HABP2: variants seen among roughly 807,000 people sequenced by gnomAD.
HABP2 encodes the protein factor VII-activating protease.
A neutral mutation model predicts 66.5 loss-of-function variants in HABP2; 65 were observed. The ratio of observed to expected loss-of-function variants is 0.98; its 90% CI spans 0.80 to 1.20. The LOEUF (loss-of-function observed/expected upper bound fraction) is 1.20. Among genes scored for constraint, HABP2 ranks in the 50% most tolerant of loss-of-function variants. The probability of loss-of-function intolerance (pLI) is 0.00; values close to 1 mark genes in which losing one functional copy is unlikely to be tolerated. For missense variants in HABP2, 786 were observed against 691.0 expected (o/e 1.14, Z -1.54); for synonymous variants, 263 against 253.9 (o/e 1.04, Z -0.34).
rs3832698 is a variant in HABP2 at position 113,588,967 on chromosome 10, GA to G, written c.*599del. ...CTCTGGCCTCTCAGGAATCAGGGTG[GA>G]CATGGCTCACAACAGCAGGGCCTTC... is the stretch of plus-strand genomic sequence containing the variant. On this transcript the variant is annotated 3_prime_UTR_variant, in exon 13 of 13. Transcript: ENST00000351270. 0.34 allele frequency: 554,325 copies of G among 1,607,390 alleles called. 96,830 individuals are homozygous for G. The highest frequency in any genetic ancestry group is 0.48 in the Admixed American group (28,597 of 59,956).
At chr10:113,580,823 T>A (rs1020040211) in intron 8 of HABP2, 131 bp downstream of exon 8, 1 of 609,592 alleles carries the variant, frequency 1.6e-6, no homozygotes, top group Non-Finnish European at 2.9e-6. Flanking sequence ...CCCATCCCAG[T>A]GCCAGCCCAA....
chr10:113,567,014 C>G (rs551640397), intron 1 of HABP2, among the ~76,000 whole-genome samples: 12 of 152,190 alleles, frequency 7.9e-5, no homozygotes, highest in Non-Finnish European at 1.6e-4. Flanking sequence ...CTGAAGAAAT[C>G]ACCTAGATTT....
chr10:113,561,163 A>T (rs2133746825), intron 1 of HABP2, among the ~76,000 whole-genome samples: 1 of 152,300 alleles, frequency 6.6e-6, no homozygotes, highest in South Asian at 2.1e-4. Flanking sequence ...CGTGTCTCTG[A>T]ATCCTACTGA....
chr10:113,561,185 A>G (rs1845093839), intron 1 of HABP2, among the ~76,000 whole-genome samples: 1 of 152,116 alleles, frequency 6.6e-6, no homozygotes, highest in African/African-American at 2.4e-5. Context: ...TTACAGTGTA[A>G]TCTTCTTGGG....
In HABP2 at chr10:113,585,788, C is replaced by T. The variant is rs765178013; in HGVS notation, c.1373-5C>T. 6.2e-7 allele frequency: 1 copy of T among 1,612,644 alleles called. No homozygotes were observed. Among genetic ancestry groups the T allele is most frequent in the South Asian group, 1.1e-5 (1 of 91,042 alleles). The stretch of plus-strand genomic sequence containing the variant: ...GTGACTCTTTTCTCTGCACCTTCCC[C>T]ACAGGAAAAGGGTCCCGCCAGCTCC... On this transcript the variant is annotated splice_region_variant and splice_polypyrimidine_tract_variant and intron_variant, in intron 11 of 12. Transcript: ENST00000351270.
At chr10:113,578,276 A>G in intron 6 of HABP2, 131 bp downstream of exon 6, 1 of 1,001,344 alleles carries the variant, frequency 1.0e-6, no homozygotes, top group Non-Finnish European at 1.5e-6. Context: ...TTCTCACCTA[A>G]AGGGATAGGG....
chr10:113,564,881 C>G (rs1845170055), intron 1 of HABP2, among the ~76,000 whole-genome samples: 1 of 151,308 alleles, frequency 6.6e-6, no homozygotes, highest in South Asian at 2.1e-4. Context: ...GAGTCTCGCT[C>G]TGTAGCCCAG....
intron 7 of HABP2, among the ~76,000 whole-genome samples, chr10:113,579,085 C>T (rs919536752): frequency 1.3e-4 from 19 of 147,412 alleles, no homozygotes; most frequent in Admixed American, 2.0e-4. Context: ...GGCAAAACCC[C>T]GTCTCTACCA....
chr10:113,587,406 G>C (rs559354622), intron 12 of HABP2, among the ~76,000 whole-genome samples: 1 of 152,282 alleles, frequency 6.6e-6, no homozygotes, highest in African/African-American at 2.4e-5. Context: ...GAAACAAATA[G>C]TTGTGAATTG....
At position 113,577,160 on chromosome 10, in the gene HABP2, G is replaced by A. The variant is rs142164108; in HGVS notation, c.342G>A (p.Thr114=). 67 of 1,598,724 alleles carry A rather than the reference G, an allele frequency of 4.2e-5. No individual in the cohort carries two copies. Among genetic ancestry groups the A allele is most frequent in the East Asian group, 2.2e-5 (1 of 44,822 alleles). Residue 114 remains threonine (T), a synonymous_variant, in exon 5 of 13, where the codon ACG becomes ACA. Coordinates refer to ENST00000351270, the MANE Select transcript of HABP2 (RefSeq NM_004132.5). ...SGNKCQKVQN[T]CKDNPCGRGQ... ...ATGGATCTCCTACAGTGCAAAATACGTGCAAGGACAACCCATGTGGCCGGG... is the reference window on the plus strand; with the variant it reads ...ATGGATCTCCTACAGTGCAAAATACATGCAAGGACAACCCATGTGGCCGGG...
intron 4 of HABP2, among the ~76,000 whole-genome samples, chr10:113,576,692 C>T (rs1429264929): frequency 6.6e-6 from 1 of 152,084 alleles, no homozygotes; most frequent in African/African-American, 2.4e-5. Flanking sequence ...TTGACTTCTT[C>T]CCTCGGTGCC....
intron 2 of HABP2, chr10:113,572,757 T>C (rs1361094161): frequency 1.1e-5 from 5 of 447,956 alleles, no homozygotes; most frequent in Non-Finnish European, 2.2e-5. Context: ...AGCATTTTCA[T>C]AGTGGGGAAA....
rs1845624051 is a variant in HABP2 at position 113,585,924 on chromosome 10, C to T, written c.1504C>T (p.Gln502Ter). 6.2e-7 allele frequency: 1 copy of T among 1,613,744 alleles called. No individual in the cohort carries two copies. Among genetic ancestry groups the T allele is most frequent in the Admixed American group, 1.7e-5 (1 of 60,008 alleles). Residue 502 changes from glutamine to a stop codon, truncating the protein, a stop_gained, in exon 12 of 13, where the codon CAA (glutamine) becomes TAA (stop). Transcript: ENST00000351270. LOFTEE classifies it high-confidence loss of function. ...ICAGNLQKPGQDTCQGDSGGP... is the reference protein window; with the variant it reads ...ICAGNLQKPG ...TGCAGGAAATCTTCAGAAACCTGGG[C>T]AAGACACCTGCCAGGTCAGAGACTC...
At chr10:113,565,094 T>C (rs942636697) in intron 1 of HABP2, among the ~76,000 whole-genome samples, 1 of 152,204 alleles carries the variant, frequency 6.6e-6, no homozygotes, top group African/African-American at 2.4e-5. Flanking sequence ...TCCACCCACC[T>C]CGGCCTCCCA....
intron 1 of HABP2, among the ~76,000 whole-genome samples, chr10:113,566,695 T>C (rs974247657): frequency 1.1e-4 from 17 of 152,138 alleles, no homozygotes; most frequent in African/African-American, 3.4e-4. Flanking sequence ...ACAGTGGGGA[T>C]AGGGAAATGT....
At chr10:113,581,424 C>A (rs962059447) in intron 8 of HABP2, among the ~76,000 whole-genome samples, 1 of 152,226 alleles carries the variant, frequency 6.6e-6, no homozygotes, top group Non-Finnish European at 1.5e-5. Flanking sequence ...AATGTCTTAT[C>A]TCACCTATTC....
intron 6 of HABP2, 50 bp from the exon 7 acceptor site, chr10:113,578,577 T>C (rs753784925): frequency 7.3e-7 from 1 of 1,366,092 alleles, no homozygotes; most frequent in Non-Finnish European, 1.0e-6. Context: ...TTTTTGGGAG[T>C]GGCATGCCAA....
chr10:113,564,753 C>T (rs1173252349), intron 1 of HABP2, among the ~76,000 whole-genome samples: 3 of 152,186 alleles, frequency 2.0e-5, no homozygotes, highest in African/African-American at 4.8e-5. Context: ...TGCTGTGTCT[C>T]TCATTCTCCT....
rs1845720243 is a variant in HABP2, at chr10:113,588,570, C to T, written c.*201C>T. ...ATATCACCAGGCTTCTTCTGCCTCC[C>T]TTGGTAACCCAAGGAATGATGGAAT... is the stretch of plus-strand genomic sequence containing the variant. On this transcript the variant is annotated 3_prime_UTR_variant, in exon 13 of 13. Coordinates refer to ENST00000351270, the MANE Select transcript of HABP2 (RefSeq NM_004132.5). 3 of 545,608 alleles carry T rather than the reference C, an allele frequency of 5.5e-6. No homozygotes were observed. The South Asian group carries it at 8.9e-5, about 16-fold the overall frequency. 33.8% of individuals were successfully genotyped at this position (545,608 alleles called of 1,614,324 possible).
Sources: gnomAD v4.1 joint callset for allele counts (sites outside exome capture counted in the v4.1 genomes callset) on GRCh38, gnomAD v4.1.1 for gene constraint, MANE v1.5 for transcripts, NCBI Gene and HGNC (gene_info 2026-07-23, HGNC 2026-07-21) for gene names.